ZRANB1: variants seen among roughly 807,000 people sequenced by gnomAD.
ZRANB1 encodes the protein ubiquitin thioesterase ZRANB1.
ZRANB1 carries 16 observed loss-of-function variants against 80.5 expected under a neutral mutation model. That is an observed-to-expected ratio of 0.20 (90% CI 0.13 to 0.30). The LOEUF (loss-of-function observed/expected upper bound fraction) is 0.30. Among genes scored for constraint, ZRANB1 ranks in the 10% least tolerant of loss-of-function variants. The probability of loss-of-function intolerance (pLI) is 1.00; values close to 1 mark genes in which losing one functional copy is unlikely to be tolerated. For missense variants in ZRANB1, 576 were observed against 862.6 expected (o/e 0.67, Z 4.16); for synonymous variants, 291 against 293.1 (o/e 0.99, Z 0.07).
At position 124,985,003 on chromosome 10, in the gene ZRANB1, C is replaced by T. The variant is rs145772310; in HGVS notation, c.*11C>T. The stretch of plus-strand genomic sequence containing the variant: ...GATGAAGATGAATGAAAAAAAAAAT[C>T]AAACAGCAGAAGACCAAGGCATCAG... On this transcript the variant is annotated 3_prime_UTR_variant, in exon 9 of 9. Coordinates refer to ENST00000359653, the MANE Select transcript of ZRANB1 (RefSeq NM_017580.3). 4.4e-4 allele frequency: 679 copies of T among 1,541,030 alleles called. 7 individuals are homozygous for T. In the East Asian group the frequency reaches 0.014, roughly 32 times the overall value.
rs749018228 is a variant in ZRANB1, at chr10:124,984,765, C to T, written c.1909-9C>T. ...TGATTTTCCCTTTGTCTTCATATTC[C>T]TCCAAAAGCTAGGTAATGAGGAACA... On this transcript the variant is annotated splice_polypyrimidine_tract_variant and intron_variant, in intron 8 of 8. Transcript: ENST00000359653. The T allele has an allele frequency of 6.2e-7, 1 of 1,611,354 alleles. No homozygotes were observed. Among genetic ancestry groups the T allele is most frequent in the Non-Finnish European group, 8.5e-7 (1 of 1,178,188 alleles).
intron 1 of ZRANB1, among the ~76,000 whole-genome samples, chr10:124,954,058 C>T (rs1239962730): frequency 3.3e-5 from 5 of 151,256 alleles, no homozygotes; most frequent in Non-Finnish European, 2.9e-5. Context: ...CCTCGAATGC[C>T]CAGGCTCAAG....
intron 2 of ZRANB1, among the ~76,000 whole-genome samples, chr10:124,970,795 A>C (rs1334735551): frequency 3.3e-5 from 5 of 150,496 alleles, no homozygotes; most frequent in Non-Finnish European, 7.4e-5. Flanking sequence ...ACATCAGGGA[A>C]CAGGCTCACT....
At chr10:124,918,541 C>T in the ZRANB1 span, among the ~76,000 whole-genome samples, 1 of 152,148 alleles carries the variant, frequency 6.6e-6, no homozygotes, top group Non-Finnish European at 1.5e-5. Flanking sequence ...ATTTCTTTAC[C>T]TGTGTGTTTT....
At chr10:124,967,938 GC>G (rs1367290903) in intron 2 of ZRANB1, among the ~76,000 whole-genome samples, 1 of 148,020 alleles carries the variant, frequency 6.8e-6, no homozygotes, top group African/African-American at 2.5e-5. Flanking sequence ...TCACTCTGTT[GC>G]CCAGGCTGTA....
At chr10:124,918,425 G>C in the ZRANB1 span, among the ~76,000 whole-genome samples, 1 of 152,334 alleles carries the variant, frequency 6.6e-6, no homozygotes, top group Non-Finnish European at 1.5e-5. Flanking sequence ...TCTGACCTCA[G>C]GTGATCTGCC....
chr10:124,922,314 TG>T, the ZRANB1 span, among the ~76,000 whole-genome samples: 3 of 34,636 alleles, frequency 8.7e-5, no homozygotes, highest in African/African-American at 1.9e-4. Context: ...TATATATATA[TG>T]TAAAATATAT....
At chr10:124,965,248 G>A (rs1381338069) in intron 1 of ZRANB1, among the ~76,000 whole-genome samples, 1 of 152,210 alleles carries the variant, frequency 6.6e-6, no homozygotes, top group Admixed American at 6.5e-5. Context: ...CTACATTGCT[G>A]TGAAAATAAG....
In ZRANB1 at chr10:124,960,922, A is replaced by AGTG. The variant is rs147625139; in HGVS notation, c.815-5668_815-5666dup. Among the ~76,000 whole-genome samples, 693 of 152,320 alleles carry AGTG rather than the reference A, an allele frequency of 4.5e-3. 21 individuals are homozygous for AGTG. The East Asian group carries it at 0.092, about 20-fold the overall frequency. ...CAGAAAAACCTTTGGATGTGATTTC[A>AGTG]GTGGTGAATGTGGTTTTGGCATACA... is the stretch of plus-strand genomic sequence containing the variant. On this transcript the variant is annotated intron_variant, in intron 1 of 8. Coordinates refer to ENST00000359653, the MANE Select transcript of ZRANB1 (RefSeq NM_017580.3).
At chr10:124,922,369 C>G in the ZRANB1 span, among the ~76,000 whole-genome samples, 1 of 143,862 alleles carries the variant, frequency 7.0e-6, no homozygotes, top group Non-Finnish European at 1.5e-5. Flanking sequence ...CTGTGTTGCC[C>G]AGGCTGGAGT....
chr10:124,964,870 G>T (rs942772954), intron 1 of ZRANB1, among the ~76,000 whole-genome samples: 1 of 152,164 alleles, frequency 6.6e-6, no homozygotes, highest in African/African-American at 2.4e-5. Flanking sequence ...TGTGGGCATG[G>T]TCAGTCCTAA....
chr10:124,922,584 C>A, the ZRANB1 span, among the ~76,000 whole-genome samples: 3 of 151,584 alleles, frequency 2.0e-5, no homozygotes, highest in African/African-American at 4.9e-5. Context: ...CCTCCACCAC[C>A]CGGCTTGAAG....
In ZRANB1 at chr10:124,987,515, C is replaced by G. The variant is rs1201552041; in HGVS notation, c.*2523C>G. The stretch of plus-strand genomic sequence containing the variant: ...CACATATTCGTGAAGGTAAGATATT[C>G]TGTGTGCGCTTGGCCTCCTTTTCAC... On this transcript the variant is annotated 3_prime_UTR_variant, in exon 9 of 9. Coordinates refer to ENST00000359653, the MANE Select transcript of ZRANB1 (RefSeq NM_017580.3). 3 of 152,314 alleles carry G rather than the reference C, an allele frequency of 2.0e-5. No individual in the cohort carries two copies. Among genetic ancestry groups the G allele is most frequent in the East Asian group, 3.9e-4 (2 of 5,184 alleles). The allele number at this position is 152,314 out of a possible 1,614,324, so 9.4% of individuals were successfully genotyped here.
At chr10:124,968,183 C>T (rs1202136078) in intron 2 of ZRANB1, among the ~76,000 whole-genome samples, 2 of 152,188 alleles carry the variant, frequency 1.3e-5, no homozygotes, top group Non-Finnish European at 2.9e-5. Flanking sequence ...AGGCATGAGC[C>T]ACCGTGTCTG....
In ZRANB1 at chr10:124,985,272, C is replaced by A; in HGVS notation, c.*280C>A. The A allele has an allele frequency of 3.1e-6, 1 of 318,522 alleles. No individual in the cohort carries two copies. Among genetic ancestry groups the A allele is most frequent in the Non-Finnish European group, 5.7e-6 (1 of 174,210 alleles). The allele number at this position is 318,522 out of a possible 1,614,324, so 19.7% of individuals were successfully genotyped here. ...ATTGTAAATCTGTCTATAAATGTAA[C>A]GCATGTGGTTGTGTAAGACATTGTT... On this transcript the variant is annotated 3_prime_UTR_variant, in exon 9 of 9. Coordinates refer to ENST00000359653, the MANE Select transcript of ZRANB1 (RefSeq NM_017580.3).
chr10:124,976,354 A>C (rs201054708), intron 5 of ZRANB1, among the ~76,000 whole-genome samples: 2 of 152,064 alleles, frequency 1.3e-5, no homozygotes, highest in East Asian at 3.9e-4. Context: ...GACCACTGCT[A>C]TGGGCCTGTC....
chr10:124,937,148 C>T (rs183351294), upstream of ZRANB1, among the ~76,000 whole-genome samples: 3 of 149,382 alleles, frequency 2.0e-5, no homozygotes, highest in Non-Finnish European at 3.0e-5. Context: ...CAGTTTGTTT[C>T]CTGAGTTTGC....
At chr10:124,967,391 A>G (rs1446227478) in intron 2 of ZRANB1, among the ~76,000 whole-genome samples, 1 of 152,200 alleles carries the variant, frequency 6.6e-6, no homozygotes, top group East Asian at 1.9e-4. Flanking sequence ...TGGTGAATCT[A>G]GGGACTTGCA....
intron 1 of ZRANB1, among the ~76,000 whole-genome samples, chr10:124,950,508 A>G (rs1431515467): frequency 6.6e-6 from 1 of 152,192 alleles, no homozygotes; most frequent in Non-Finnish European, 1.5e-5. Flanking sequence ...TATTTAATCT[A>G]TTATTTTCCC....
Sources: allele counts gnomAD v4.1 joint callset (sites outside exome capture counted in the v4.1 genomes callset), GRCh38; gene constraint gnomAD v4.1.1; transcripts MANE v1.5; gene names NCBI Gene and HGNC (gene_info 2026-07-23, HGNC 2026-07-21).